LNPEP: variants seen among roughly 807,000 people sequenced by gnomAD.
The protein encoded by LNPEP is leucyl-cystinyl aminopeptidase.
Under a neutral mutation model 120.6 loss-of-function variants are expected in LNPEP, and 64 were observed. The ratio of observed to expected loss-of-function variants is 0.53; its 90% CI spans 0.43 to 0.65. The LOEUF (loss-of-function observed/expected upper bound fraction) is 0.65. LNPEP is among the 30% of genes least tolerant of loss of function. The pLI is 0.00. For missense variants in LNPEP, 1,057 were observed against 1,200.0 expected, an observed-to-expected ratio of 0.88 and a Z score of 1.76; for synonymous variants, 435 against 425.4, an observed-to-expected ratio of 1.02 and a Z score of -0.28.
At chr5:97,015,213 T>C (rs948746855) in intron 13 of LNPEP, 118 bp downstream of exon 13, 2 of 580,352 alleles carry the variant, frequency 3.4e-6, no homozygotes, top group Non-Finnish European at 5.6e-6. Context: ...TTTCTTCACT[T>C]TCCTGCTTGT....
intron 1 of LNPEP, among the ~76,000 whole-genome samples, chr5:96,938,659 C>G (rs1788979771): frequency 6.6e-6 from 1 of 152,116 alleles, no homozygotes; most frequent in Non-Finnish European, 1.5e-5. Context: ...ATAATTGGTT[C>G]ATTTGATGAA....
In LNPEP at chr5:96,998,041, A is replaced by C. The variant is rs755113348; in HGVS notation, c.1549A>C (p.Lys517Gln). The stretch of plus-strand genomic sequence containing the variant: ...TGAAGATTTCTTAGATGCTCGATTT[A>C]AAACCATGAAGAAAGATTCCTTAAA... ...SYEDFLDARFKTMKKDSLNSS... is the reference protein window; with the variant it reads ...SYEDFLDARFQTMKKDSLNSS... Residue 517 changes from lysine to glutamine, a missense_variant, in exon 8 of 18, where the codon AAA becomes CAA. Transcript: ENST00000231368. The C allele has an allele frequency of 1.0e-5, 16 of 1,581,756 alleles. No individual in the cohort carries two copies. Among genetic ancestry groups the C allele is most frequent in the Admixed American group, 5.2e-5 (3 of 57,676 alleles).
At position 97,006,144 on chromosome 5, in the gene LNPEP, G is replaced by GCT; in HGVS notation, c.1857_1858insCT (p.Thr620LeufsTer19). 1 of 1,597,326 alleles carries GCT rather than the reference G, an allele frequency of 6.3e-7. No individual in the cohort carries two copies. The highest frequency in any genetic ancestry group is 8.5e-7 in the Non-Finnish European group (1 of 1,169,672). ...CCCTGCAGAAAGGATTTCCTTTAGT[G>GCT]ACTGTTCAAAAGAAAGGAAAGGAAC... On this transcript the variant is annotated frameshift_variant, in exon 10 of 18. Transcript: ENST00000231368. LOFTEE classifies it high-confidence loss of function.
chr5:97,030,249 A>G lies in LNPEP; in HGVS notation c.*1716A>G, dbSNP rs1791441398. On this transcript the variant is annotated 3_prime_UTR_variant, in exon 18 of 18. Coordinates refer to ENST00000231368, the MANE Select transcript of LNPEP (RefSeq NM_005575.3). Reference sequence around the variant, plus strand: ...TATCTGTTTTAGAGTAGAAAATATTATATCCTGAGAATCACAGAATCATCT... The same window carrying G: ...TATCTGTTTTAGAGTAGAAAATATTGTATCCTGAGAATCACAGAATCATCT... 6.6e-6 allele frequency: 1 copy of G among 152,172 alleles called. No homozygotes were observed. Among genetic ancestry groups the G allele is most frequent in the African/African-American group, 2.4e-5 (1 of 41,444 alleles). The allele number at this position is 152,172 out of a possible 1,614,324, so 9.4% of individuals were successfully genotyped here.
intron 11 of LNPEP, among the ~76,000 whole-genome samples, chr5:97,009,878 A>G (rs1013581784): frequency 1.3e-5 from 2 of 152,124 alleles, no homozygotes; most frequent in African/African-American, 4.8e-5. Context: ...GGGTGACTTC[A>G]GGCTTCTTTT....
At chr5:96,986,402 G>C in intron 3 of LNPEP, 137 bp from the exon 4 acceptor site, 1 of 812,028 alleles carries the variant, frequency 1.2e-6, no homozygotes, top group Admixed American at 2.5e-5. Context: ...GCTCTTTGCA[G>C]AAATTCATAC....
intron 1 of LNPEP, among the ~76,000 whole-genome samples, chr5:96,963,952 C>T (rs1304090520): frequency 3.9e-5 from 6 of 151,920 alleles, no homozygotes; most frequent in Non-Finnish European, 8.8e-5. Flanking sequence ...TACTGTTAAA[C>T]ACAGTCACCC....
chr5:96,950,609 T>A (rs566406382), intron 1 of LNPEP, among the ~76,000 whole-genome samples: 4 of 152,224 alleles, frequency 2.6e-5, no homozygotes, highest in Non-Finnish European at 5.9e-5. Flanking sequence ...ACTAGTGTTA[T>A]GAATTAGTTG....
intron 11 of LNPEP, among the ~76,000 whole-genome samples, chr5:97,012,425 A>C (rs1411120201): frequency 6.6e-6 from 1 of 152,156 alleles, no homozygotes; most frequent in East Asian, 1.9e-4. Flanking sequence ...TTATATAATA[A>C]ATATCTACAA....
In LNPEP at chr5:97,030,028, C is replaced by G. The variant is rs1411255620; in HGVS notation, c.*1495C>G. 1 of 152,094 alleles carries G rather than the reference C, an allele frequency of 6.6e-6. No individual in the cohort carries two copies. The highest frequency in any genetic ancestry group is 1.5e-5 in the Non-Finnish European group (1 of 68,008). The allele number at this position is 152,094 out of a possible 1,614,324, so 9.4% of individuals were successfully genotyped here. A position where few individuals can be genotyped will look rare whatever the true frequency, so the allele number is the denominator to read the frequency against. On this transcript the variant is annotated 3_prime_UTR_variant, in exon 18 of 18. Transcript: ENST00000231368. ...ATTTGTGAGCACTTAAAACACTCCA[C>G]AGAGTCAGACAGTGGGAAAGGTCAC...
In LNPEP at chr5:97,032,238, C is replaced by T. The variant is rs1216791469; in HGVS notation, c.*3705C>T. The T allele has an allele frequency of 6.6e-6, 1 of 152,242 alleles. No homozygotes were observed. The highest frequency in any genetic ancestry group is 1.9e-4 in the East Asian group (1 of 5,186). The allele number at this position is 152,242 out of a possible 1,614,324, so 9.4% of individuals were successfully genotyped here. On this transcript the variant is annotated 3_prime_UTR_variant, in exon 18 of 18. Coordinates refer to ENST00000231368, the MANE Select transcript of LNPEP (RefSeq NM_005575.3). ...TGGAATTAAATCTCTTTTTAAAGAG[C>T]TTCCTTCCCCCTTCATCCCATTTGT...
At chr5:97,023,225 T>C (rs1791256140) in intron 14 of LNPEP, among the ~76,000 whole-genome samples, 1 of 152,076 alleles carries the variant, frequency 6.6e-6, no homozygotes. Context: ...TCTTCCATGT[T>C]GTAGCATGCA....
intron 8 of LNPEP, among the ~76,000 whole-genome samples, chr5:96,999,232 G>A (rs982060486): frequency 2.0e-5 from 3 of 152,160 alleles, no homozygotes; most frequent in Non-Finnish European, 2.9e-5. Flanking sequence ...TAAGTGGGGA[G>A]AAACGTAAAG....
At chr5:96,941,002 GC>G (rs1179556434) in intron 1 of LNPEP, among the ~76,000 whole-genome samples, 12 of 152,120 alleles carry the variant, frequency 7.9e-5, no homozygotes, top group Non-Finnish European at 1.8e-4. Context: ...TATTATTATT[GC>G]ATTGTAATAT....
Position 97,029,043 on chromosome 5 carries a change from G to A in LNPEP, c.*510G>A, listed in dbSNP as rs1161540337. ...CATGCACTGTAAGAACTGACCTCAG[G>A]TGTGCAGATCTACTTTGATTTGGGG... On this transcript the variant is annotated 3_prime_UTR_variant, in exon 18 of 18. Transcript: ENST00000231368. 3 of 152,492 alleles carry A rather than the reference G, an allele frequency of 2.0e-5. No homozygotes were observed. The highest frequency in any genetic ancestry group is 3.7e-4 in the East Asian group (2 of 5,342). The allele number at this position is 152,492 out of a possible 1,614,324, so 9.4% of individuals were successfully genotyped here.
chr5:96,960,877 T>C (rs138013688), intron 1 of LNPEP, among the ~76,000 whole-genome samples: 2 of 121,584 alleles, frequency 1.6e-5, no homozygotes, highest in African/African-American at 5.9e-5. Context: ...TCTCAAAAAA[T>C]ATGTTTTTTT....
intron 1 of LNPEP, among the ~76,000 whole-genome samples, chr5:96,974,035 T>A (rs1008895547): frequency 2.0e-5 from 3 of 152,184 alleles, no homozygotes; most frequent in Non-Finnish European, 4.4e-5. Flanking sequence ...AACATTTTGT[T>A]TAACTTTTAT....
At chr5:96,998,510 G>C (rs1353332674) in intron 8 of LNPEP, among the ~76,000 whole-genome samples, 1 of 152,160 alleles carries the variant, frequency 6.6e-6, no homozygotes, top group Non-Finnish European at 1.5e-5. Flanking sequence ...GGTCAGGACT[G>C]CCAAAACAAG....
intron 14 of LNPEP, 148 bp downstream of exon 14, chr5:97,022,632 A>G: frequency 1.5e-6 from 1 of 669,290 alleles, no homozygotes; most frequent in Non-Finnish European, 2.5e-6. Flanking sequence ...ATTCTCAAAC[A>G]AGACTTTTTT....
Sources: gnomAD v4.1 joint callset for allele counts (sites outside exome capture counted in the v4.1 genomes callset) on GRCh38, gnomAD v4.1.1 for gene constraint, MANE v1.5 for transcripts, NCBI Gene and HGNC (gene_info 2026-07-23, HGNC 2026-07-21) for gene names.